Variants in DOCK10 observed in about 807,000 individuals in gnomAD.
DOCK10 encodes dedicator of cytokinesis 10, also known as dedicator of cytokinesis protein 10.
DOCK10 carries 145 observed loss-of-function variants against 280.1 expected under a neutral mutation model. The ratio of observed to expected loss-of-function variants is 0.52; its 90% confidence interval spans 0.45 to 0.59. The LOEUF (loss-of-function observed/expected upper bound fraction) is 0.59. DOCK10 is among the 20% of genes least tolerant of loss of function. DOCK10 has a pLI of 0.00. For synonymous variants in DOCK10, 915 were observed against 942.2 expected (o/e 0.97, Z 0.53); for missense variants, 2,368 against 2,651.7 (o/e 0.89, Z 2.35).
At chr2:224,920,983 G>A (rs559232259) in intron 2 of DOCK10, among the ~76,000 whole-genome samples, 136 of 148,908 alleles carry the variant, frequency 9.1e-4, no homozygotes, top group Middle Eastern at 6.9e-3. Flanking sequence ...GGCTGGGCAC[G>A]GTGGCTCATG....
chr2:224,887,237 C>T (rs1482313820), intron 4 of DOCK10, among the ~76,000 whole-genome samples: 2 of 152,060 alleles, frequency 1.3e-5, no homozygotes, highest in Admixed American at 6.5e-5. Flanking sequence ...GTGACATACT[C>T]AAGGGTACAC....
At chr2:225,035,645 CCAA>C (rs1559987391) in intron 1 of DOCK10, among the ~76,000 whole-genome samples, 1,584 of 127,226 alleles carry the variant, frequency 0.012, 69 homozygotes, top group African/African-American at 0.053. Context: ...GCCATAATAA[CCAA>C]AGAATCAGTG....
intron 1 of DOCK10, chr2:224,947,162 C>T: frequency 1.3e-6 from 1 of 756,356 alleles, no homozygotes; most frequent in Non-Finnish European, 1.9e-6. Flanking sequence ...TCAGATACTG[C>T]TTTTGTGCAT....
intron 11 of DOCK10, among the ~76,000 whole-genome samples, chr2:224,865,931 A>G (rs902353807): frequency 2.0e-5 from 3 of 151,400 alleles, no homozygotes; most frequent in Non-Finnish European, 4.4e-5. Flanking sequence ...ACAGTCACCT[A>G]TTATAACCAG....
chr2:224,814,259 G>T, intron 31 of DOCK10, 61 bp downstream of exon 31: 1 of 1,016,198 alleles, frequency 9.8e-7, no homozygotes, highest in Non-Finnish European at 1.4e-6. Flanking sequence ...GAAATTTATA[G>T]TTGTCAATAT....
At chr2:224,788,090 T>C (rs1691859779) in intron 48 of DOCK10, among the ~76,000 whole-genome samples, 1 of 151,998 alleles carries the variant, frequency 6.6e-6, no homozygotes, top group African/African-American at 2.4e-5. Flanking sequence ...AACACTTCCA[T>C]GTAAAAAAAA....
rs908720737 is a variant in DOCK10, at chr2:224,800,100, T to C, written c.4506+51A>G. 9 of 1,118,040 alleles carry C rather than the reference T, an allele frequency of 8.0e-6. No individual in the cohort carries two copies. In the Admixed American group the frequency reaches 1.1e-4, roughly 13 times the overall value. The allele number at this position is 1,118,040 out of a possible 1,614,324, so 69.3% of individuals were successfully genotyped here. On this transcript the variant is annotated intron_variant, in intron 41 of 55. Transcript: ENST00000258390. ...CATGTTTTTGACTTCACATGGTTTT[T>C]CTACCTCATATTTCATCATTTTTTG...
intron 52 of DOCK10, among the ~76,000 whole-genome samples, chr2:224,774,220 C>T (rs1181318343): frequency 2.6e-5 from 4 of 152,194 alleles, no homozygotes; most frequent in Non-Finnish European, 4.4e-5. Context: ...CCCTTGCTCA[C>T]CTCCCCTGCA....
chr2:225,042,064 G>A lies in DOCK10; in HGVS notation c.123+188C>T, dbSNP rs1304310898. 6.6e-6 allele frequency among the ~76,000 whole-genome samples: 1 copy of A among 152,204 alleles called. No homozygotes were observed. The highest frequency in any genetic ancestry group is 1.5e-5 in the Non-Finnish European group (1 of 68,030). On this transcript the variant is annotated intron_variant, in intron 1 of 55. Transcript: ENST00000258390. This position sits in a 1 kb window ranked among gnomAD's most constrained non-coding sequence, Gnocchi z 5.1. Reference sequence around the variant, plus strand: ...GCACAAACGCGCCCCCGGTCCTTACGCGTCGGTGGCGCTGCCTCGCTGAGG... The same window carrying A: ...GCACAAACGCGCCCCCGGTCCTTACACGTCGGTGGCGCTGCCTCGCTGAGG...
Position 225,042,397 on chromosome 2 carries a change from G to T in DOCK10, c.-23C>A. The stretch of plus-strand genomic sequence containing the variant: ...CATCGCCGGTCACGCCAATCGCGCC[G>T]CGGGCCCGGGGCGCGCCTCCCGCCG... On this transcript the variant is annotated 5_prime_UTR_variant, in exon 1 of 56. Transcript: ENST00000258390. The surrounding 1 kb of genome is among the most constrained non-coding windows in gnomAD (Gnocchi z 5.1). 8.1e-7 allele frequency: 1 copy of T among 1,237,314 alleles called. No homozygotes were observed. The highest frequency in any genetic ancestry group is 1.0e-6 in the Non-Finnish European group (1 of 988,966). The allele number at this position is 1,237,314 out of a possible 1,614,324, so 76.6% of individuals were successfully genotyped here. A position where few individuals can be genotyped will look rare whatever the true frequency, so the allele number is the denominator to read the frequency against.
At chr2:224,861,359 C>T (rs981337240) in intron 14 of DOCK10, 21 of 152,184 alleles carry the variant, frequency 1.4e-4, no homozygotes, top group African/African-American at 4.6e-4. Flanking sequence ...GACCCAGAGA[C>T]ATGGAGAAGA....
chr2:224,813,686 T>C (rs926399796), intron 31 of DOCK10, among the ~76,000 whole-genome samples: 5 of 152,184 alleles, frequency 3.3e-5, no homozygotes. Flanking sequence ...AAATGACCAA[T>C]AGCAAATTAA....
chr2:224,976,314 A>G (rs1705437078), intron 1 of DOCK10, among the ~76,000 whole-genome samples: 1 of 152,176 alleles, frequency 6.6e-6, no homozygotes. Flanking sequence ...TGATGGGTTG[A>G]TAGGTGCAGC....
intron 1 of DOCK10, among the ~76,000 whole-genome samples, chr2:224,951,698 C>T (rs993499409): frequency 1.3e-5 from 2 of 152,152 alleles, no homozygotes; most frequent in Non-Finnish European, 2.9e-5. Context: ...GCATTCAGTG[C>T]GGCTCAGCTG....
At chr2:224,964,949 A>G (rs2126185033) in intron 1 of DOCK10, among the ~76,000 whole-genome samples, 1 of 152,332 alleles carries the variant, frequency 6.6e-6, no homozygotes, top group African/African-American at 2.4e-5. Flanking sequence ...CTACCAAGTT[A>G]TTTCTAGTAT....
At chr2:224,999,917 G>C (rs553131823) in intron 1 of DOCK10, among the ~76,000 whole-genome samples, 126 of 152,262 alleles carry the variant, frequency 8.3e-4, no homozygotes, top group African/African-American at 2.8e-3. Flanking sequence ...TGGATTGAAA[G>C]CTTTATTATG....
chr2:225,025,477 A>T (rs1445738290), intron 1 of DOCK10, among the ~76,000 whole-genome samples: 3 of 152,246 alleles, frequency 2.0e-5, no homozygotes, highest in Non-Finnish European at 4.4e-5. Context: ...ACTAGAAAAA[A>T]ATATTTAGAA....
intron 29 of DOCK10, 41 bp downstream of exon 29, chr2:224,819,405 C>T (rs1694358179): frequency 7.6e-7 from 1 of 1,316,692 alleles, no homozygotes; most frequent in Non-Finnish European, 1.1e-6. Context: ...ATTTACAATG[C>T]CATAGTTTAG....
rs117548047 is a variant in DOCK10, at chr2:224,910,703, A to G, written c.333+5992T>C. 6.4e-4 allele frequency among the ~76,000 whole-genome samples: 98 copies of G among 152,282 alleles called. 1 individual carries two copies. The East Asian group carries it at 0.017, about 26-fold the overall frequency. ...ACTTTTTGCAGTGTAATTCTCTGGGACCATTTCCCAGTCTTAGCTCAGCTC... is the reference window on the plus strand; with the variant it reads ...ACTTTTTGCAGTGTAATTCTCTGGGGCCATTTCCCAGTCTTAGCTCAGCTC... On this transcript the variant is annotated intron_variant, in intron 3 of 55. Transcript: ENST00000258390.
Sources: allele counts gnomAD v4.1 joint callset (sites outside exome capture counted in the v4.1 genomes callset), GRCh38; gene constraint gnomAD v4.1.1; non-coding constraint Gnocchi (gnomAD v3.1); transcripts MANE v1.5; gene names NCBI Gene and HGNC (gene_info 2026-07-23, HGNC 2026-07-21).